HUWE1: variants seen among roughly 807,000 people sequenced by gnomAD.
The protein encoded by HUWE1 is HECT, UBA and WWE domain containing E3 ubiquitin protein ligase 1.
A neutral mutation model predicts 299.4 loss-of-function variants in HUWE1; 18 were observed. That is an observed-to-expected ratio of 0.06 (90% CI 0.04 to 0.09). HUWE1 has a LOEUF of 0.09. Ranked by LOEUF, HUWE1 falls within the 10% of genes least tolerant of loss-of-function variation. The pLI is 1.00. For missense variants in HUWE1, 1,832 were observed against 3,462.3 expected (o/e 0.53, Z 11.82); for synonymous variants, 1,317 against 1,286.1 (o/e 1.02, Z -0.51).
chrX:53,586,439 T>C (rs1556973333), intron 39 of HUWE1, 51 bp downstream of exon 39: 1 of 816,477 alleles, frequency 1.2e-6, no homozygotes, highest in Non-Finnish European at 1.9e-6. Context: ...TGGTCTACTC[T>C]TGCCTCAGGA....
At chrX:53,568,617 C>T (rs1411766780) in intron 49 of HUWE1, 75 bp downstream of exon 49, 5 of 1,027,746 alleles carry the variant, frequency 4.9e-6, no homozygotes, top group East Asian at 6.4e-5. Context: ...TTTCCCACTA[C>T]ACCAGCTACC....
At chrX:53,651,602 T>C (rs782204928) in intron 4 of HUWE1, among the ~76,000 whole-genome samples, 1 of 111,811 alleles carries the variant, frequency 8.9e-6, no homozygotes, top group South Asian at 3.7e-4. Context: ...TTTGTATTGT[T>C]CTTTTTTATT....
intron 3 of HUWE1, among the ~76,000 whole-genome samples, chrX:53,674,841 A>G (rs1175960830): frequency 3.6e-5 from 4 of 112,026 alleles, no homozygotes; most frequent in Admixed American, 9.5e-5. Context: ...TGTTAAATGA[A>G]TATCACCATC....
intron 3 of HUWE1, among the ~76,000 whole-genome samples, chrX:53,672,782 G>A (rs782576608): frequency 3.6e-5 from 4 of 111,694 alleles, no homozygotes; most frequent in African/African-American, 1.3e-4. Flanking sequence ...TGGAAGGGAG[G>A]TAATGAATTA....
chrX:53,535,647 C>T (rs1307275494), intron 80 of HUWE1, 146 bp from the exon 81 acceptor site: 10 of 505,684 alleles, frequency 2.0e-5, no homozygotes, highest in South Asian at 1.8e-4. Flanking sequence ...TTCTACTACT[C>T]ATAGCTCGCA....
Position 53,590,478 on chromosome X carries a change from C to G in HUWE1, c.4117G>C (p.Asp1373His). Reference protein sequence around the residue: ...VVRDLSMSEEDQMMRAIAMSL... With the variant: ...VVRDLSMSEEHQMMRAIAMSL... The stretch of plus-strand genomic sequence containing the variant: ...ATAGCAATTGCTCTCATCATCTGGT[C>G]CTCTTCAGACATGCTGAGATCCTAG... Residue 1373 changes from aspartate to histidine, a missense_variant, in exon 35 of 84, where the codon GAC (aspartate) becomes CAC (histidine). Transcript: ENST00000262854. 8.3e-7 allele frequency: 1 copy of G among 1,199,883 alleles called. No homozygotes were observed. Among genetic ancestry groups the G allele is most frequent in the Non-Finnish European group, 1.1e-6 (1 of 884,701 alleles).
At chrX:53,646,498 T>C (rs1161468539) in intron 6 of HUWE1, among the ~76,000 whole-genome samples, 2 of 111,464 alleles carry the variant, frequency 1.8e-5, no homozygotes, top group Middle Eastern at 4.6e-3. Flanking sequence ...CACCAATACA[T>C]TGAAGCAGTT....
At chrX:53,563,336 G>C (rs782644787) in intron 52 of HUWE1, among the ~76,000 whole-genome samples, 1 of 111,893 alleles carries the variant, frequency 8.9e-6, no homozygotes, top group African/African-American at 3.2e-5. Flanking sequence ...TTTTCCCTCT[G>C]AGATTTATAA....
chrX:53,547,718 A>T lies in HUWE1; in HGVS notation c.10591T>A (p.Ser3531Thr). Residue 3531 changes from serine (S) to threonine (T), a missense_variant, in exon 68 of 84, where the codon TCG (serine) becomes ACG (threonine). Coordinates refer to ENST00000262854, the MANE Select transcript of HUWE1 (RefSeq NM_031407.7). ...TAISTIVVAA[S>T]TTVTTPTTAT... ...GTCGTGGGGGTAGTCACTGTGGTCG[A>T]AGCAGCTACGACAATGGTGGAAATA... 1 of 1,208,997 alleles carries T rather than the reference A, an allele frequency of 8.3e-7. No homozygotes were observed. The highest frequency in any genetic ancestry group is 1.1e-6 in the Non-Finnish European group (1 of 893,963).
intron 74 of HUWE1, among the ~76,000 whole-genome samples, chrX:53,540,419 C>T (rs1471140489): frequency 9.0e-6 from 1 of 110,719 alleles, no homozygotes; most frequent in Non-Finnish European, 1.9e-5. Context: ...ACCTCCGCCT[C>T]CTGGGTTCAA....
chrX:53,637,483 G>A (rs191054479), intron 7 of HUWE1, among the ~76,000 whole-genome samples: 16 of 111,745 alleles, frequency 1.4e-4, no homozygotes, highest in Admixed American at 1.2e-3. Context: ...GGCAGAATAA[G>A]CTTGAAAGGC....
Position 53,569,597 on chromosome X carries a change from G to A in HUWE1, c.6524+19C>T, listed in dbSNP as rs374447579. On this transcript the variant is annotated intron_variant, in intron 48 of 83. Coordinates refer to ENST00000262854, the MANE Select transcript of HUWE1 (RefSeq NM_031407.7). Reference sequence around the variant, plus strand: ...GGGATGTTCTTGGCTATTAGCCCTGGGACAGGTATGAATCTTACCTGGCAT... The same window carrying A: ...GGGATGTTCTTGGCTATTAGCCCTGAGACAGGTATGAATCTTACCTGGCAT... The A allele has an allele frequency of 1.7e-6, 2 of 1,188,554 alleles. No individual in the cohort carries two copies. The highest frequency in any genetic ancestry group is 1.1e-6 in the Non-Finnish European group (1 of 874,796).
chrX:53,669,965 T>C (rs2069437579), intron 3 of HUWE1, among the ~76,000 whole-genome samples: 1 of 112,182 alleles, frequency 8.9e-6, no homozygotes, highest in African/African-American at 3.2e-5. Flanking sequence ...TTTAAAACAG[T>C]TGAAAAAAGG....
At chrX:53,584,716 TCTC>T (rs781868256) in intron 40 of HUWE1, among the ~76,000 whole-genome samples, 9 of 111,297 alleles carry the variant, frequency 8.1e-5, no homozygotes, top group African/African-American at 2.6e-4. Context: ...TAATGGTAAC[TCTC>T]CTCCTCCTAA....
chrX:53,537,210 C>A, intron 78 of HUWE1: 1 of 287,855 alleles, frequency 3.5e-6, no homozygotes, highest in South Asian at 4.0e-5. Flanking sequence ...TTCAGAATCA[C>A]CAGTGAGCAG....
chrX:53,678,662 A>AAC (rs1393736571), intron 3 of HUWE1, among the ~76,000 whole-genome samples: 6 of 112,384 alleles, frequency 5.3e-5, no homozygotes, highest in Admixed American at 2.8e-4. Context: ...CCATTTCAAG[A>AAC]ACTGTATGAC....
At position 53,631,029 on chromosome X, in the gene HUWE1, C is replaced by G. The variant is rs782268293; in HGVS notation, c.768G>C (p.Leu256=). 1 of 1,131,763 alleles carries G rather than the reference C, an allele frequency of 8.8e-7. No individual in the cohort carries two copies. The highest frequency in any genetic ancestry group is 3.0e-5 in the East Asian group (1 of 33,545). 93.3% of individuals were successfully genotyped at this position (1,131,763 alleles called of 1,213,427 possible). A position where few individuals can be genotyped will look rare whatever the true frequency, so the allele number is the denominator to read the frequency against. Residue 256 remains leucine, a synonymous_variant, in exon 12 of 84, where the codon CTG becomes CTC. Transcript: ENST00000262854. The stretch of plus-strand genomic sequence containing the variant: ...GGGCCAGTCGTATGTGTGTAAATAA[C>G]AGCATCTGTAGAGAGATAAGACATA... ...MYSIPKDKQM[L]LFTHIRLAHG... is the part of the protein sequence containing the mutation.
intron 6 of HUWE1, among the ~76,000 whole-genome samples, chrX:53,646,863 TA>T (rs782612883): frequency 2.7e-5 from 3 of 111,917 alleles, no homozygotes; most frequent in African/African-American, 9.7e-5. Flanking sequence ...TTTAACCAAT[TA>T]AAAAGCTCAC....
chrX:53,538,596 C>T, intron 76 of HUWE1, 142 bp from the exon 77 acceptor site: 1 of 553,217 alleles, frequency 1.8e-6, no homozygotes, highest in Non-Finnish European at 3.1e-6. Context: ...AAGGGCCAGC[C>T]CTTGAGGTGT....
Sources: gnomAD v4.1 joint callset for allele counts (sites outside exome capture counted in the v4.1 genomes callset) on GRCh38, gnomAD v4.1.1 for gene constraint, MANE v1.5 for transcripts, NCBI Gene and HGNC (gene_info 2026-07-23, HGNC 2026-07-21) for gene names.